Variants in TRAPPC4 observed in about 807,000 individuals in gnomAD.
TRAPPC4 encodes the protein trafficking protein particle complex subunit 4, also known as TRS23 homolog.
Under a neutral mutation model 23.5 loss-of-function variants are expected in TRAPPC4, and 30 were observed. The ratio of observed to expected loss-of-function variants is 1.28; its 90% CI spans 0.96 to 1.73. TRAPPC4 has a LOEUF of 1.73. Ranked by LOEUF, TRAPPC4 falls within the 40% of genes most tolerant of loss-of-function variation. TRAPPC4 has a pLI of 0.00. For missense variants in TRAPPC4, 252 were observed against 268.9 expected (o/e 0.94, Z 0.44); for synonymous variants, 129 against 105.3 (o/e 1.23, Z -1.38).
At position 119,018,787 on chromosome 11, in the gene TRAPPC4, A is replaced by AG. The variant is rs201678215; in HGVS notation, c.-9_-8insG. 1.7e-3 allele frequency: 2,766 copies of AG among 1,611,038 alleles called. 43 individuals carry two copies. The African/African-American group carries it at 0.032, about 18-fold the overall frequency. ...GGCTGAATACCAGTTTCCGAGCGGC[A>AG]AGGCAGCGATGGCGATTTTTAGTGT... is the stretch of plus-strand genomic sequence containing the variant. On this transcript the variant is annotated 5_prime_UTR_variant, in exon 1 of 5. Coordinates refer to ENST00000533632, the MANE Select transcript of TRAPPC4 (RefSeq NM_016146.6).
At chr11:119,022,840 G>A (rs1257487352) in intron 4 of TRAPPC4, among the ~76,000 whole-genome samples, 1 of 151,964 alleles carries the variant, frequency 6.6e-6, no homozygotes, top group Non-Finnish European at 1.5e-5. Flanking sequence ...GGAAAAGGTT[G>A]CAGTGAGCTG....
In TRAPPC4 at chr11:119,019,327, C is replaced by T. The variant is rs782391174; in HGVS notation, c.350+10C>T. 14 of 1,606,986 alleles carry T rather than the reference C, an allele frequency of 8.7e-6. No homozygotes were observed. Among genetic ancestry groups the T allele is most frequent in the East Asian group, 2.2e-5 (1 of 44,664 alleles). ...CCTCCATGTTCCACTCGTAAGTCCC[C>T]CGTCTCCTGAACGGCAGCGCTTGTA... On this transcript the variant is annotated intron_variant, in intron 2 of 4. Coordinates refer to ENST00000533632, the MANE Select transcript of TRAPPC4 (RefSeq NM_016146.6).
In TRAPPC4 at chr11:119,023,451, C is replaced by T. The variant is rs374606742; in HGVS notation, c.*52C>T. 88 of 1,538,708 alleles carry T rather than the reference C, an allele frequency of 5.7e-5. 1 individual carries two copies. The highest frequency in any genetic ancestry group is 4.4e-4 in the South Asian group (39 of 89,538). On this transcript the variant is annotated 3_prime_UTR_variant, in exon 5 of 5. Transcript: ENST00000533632. ...TCTGAGAGTTCCTGCAACAAGAATA[C>T]TGCTGTTGACACTCCAGTGGAAATC...
chr11:119,019,266 G>T lies in TRAPPC4; in HGVS notation c.299G>T (p.Arg100Leu), dbSNP rs145384040. 2.5e-6 allele frequency: 4 copies of T among 1,614,154 alleles called. No individual in the cohort carries two copies. In the African/African-American group the frequency reaches 5.3e-5, roughly 22 times the overall value. ...TACCCGGTGTCCATTCGATTTGGCC[G>T]GCCCCGCCTCACTTCTAATGAGAAG... ...ANYPVSIRFG[R>L]PRLTSNEKLM... is the part of the protein sequence containing the mutation. The change falls in exon 2 of 5, where the codon CGG (arginine) becomes CTG (leucine). Residue 100 changes from arginine (R) to leucine (L), a missense_variant. By Grantham distance (102) the Arg-to-Leu change is moderately radical. Transcript: ENST00000533632.
At position 119,021,805 on chromosome 11, in the gene TRAPPC4, A is replaced by AT. The variant is rs781832241; in HGVS notation, c.502dup (p.Ser168PhefsTer8). 8 of 1,613,984 alleles carry AT rather than the reference A, an allele frequency of 5.0e-6. No individual in the cohort carries two copies. Among genetic ancestry groups the AT allele is most frequent in the Non-Finnish European group, 5.9e-6 (7 of 1,180,012 alleles). On this transcript the variant is annotated frameshift_variant, in exon 4 of 5. Transcript: ENST00000533632. LOFTEE classifies it high-confidence loss of function. ...GCAGATCCTAGGCAAGCTGGAATAG[A>AT]TTCTCTTCTCCGAAAGATTTATGAG... is the stretch of plus-strand genomic sequence containing the variant.
At chr11:119,021,941 T>C in intron 4 of TRAPPC4, 55 bp downstream of exon 4, 1 of 1,599,858 alleles carries the variant, frequency 6.3e-7, no homozygotes. Flanking sequence ...CCTCCCTGTG[T>C]GCTCTGTCCA....
chr11:119,023,542 T>C lies in TRAPPC4; in HGVS notation c.*143T>C. 1 of 728,724 alleles carries C rather than the reference T, an allele frequency of 1.4e-6. No homozygotes were observed. The highest frequency in any genetic ancestry group is 2.3e-5 in the Admixed American group (1 of 44,116). The allele number at this position is 728,724 out of a possible 1,614,324, so 45.1% of individuals were successfully genotyped here. On this transcript the variant is annotated 3_prime_UTR_variant, in exon 5 of 5. Transcript: ENST00000533632. The stretch of plus-strand genomic sequence containing the variant: ...GACCCTGATGACTTGTACTGATTCC[T>C]GAGCCTTAACACTGTGCTCTTTCCT...
intron 3 of TRAPPC4, chr11:119,021,558 G>A: frequency 2.0e-6 from 1 of 508,122 alleles, no homozygotes; most frequent in Non-Finnish European, 3.4e-6. Context: ...AATCAGGTGG[G>A]TGACATAACA....
In TRAPPC4 at chr11:119,018,859, T is replaced by C; in HGVS notation, c.64T>C (p.Tyr22His). Residue 22 changes from tyrosine to histidine, a missense_variant, in exon 1 of 5, where the codon TAC becomes CAC. Tyr to His is a moderately conservative substitution (Grantham distance 83). Transcript: ENST00000533632. ...AGGLIYQLDS[Y>H]APRAEAEKTF... is the part of the protein sequence containing the mutation. ...CGGCTTGATTTACCAGTTGGACAGC[T>C]ACGCGCCACGGGCTGAGGCTGAGAA... 1 of 1,614,222 alleles carries C rather than the reference T, an allele frequency of 6.2e-7. No individual in the cohort carries two copies. The highest frequency in any genetic ancestry group is 1.1e-5 in the South Asian group (1 of 91,086).
At chr11:119,019,824 AC>A in intron 2 of TRAPPC4, 1 of 206,478 alleles carries the variant, frequency 4.8e-6, no homozygotes. Flanking sequence ...TAACTAAATG[AC>A]CTTTAAACTT....
intron 4 of TRAPPC4, chr11:119,023,095 G>C (rs1277683787): frequency 2.7e-6 from 1 of 375,572 alleles, no homozygotes; most frequent in African/African-American, 2.0e-5. Flanking sequence ...CTCCGGAGTA[G>C]CTGGGATTAC....
chr11:119,022,113 T>C (rs1943376476), intron 4 of TRAPPC4, among the ~76,000 whole-genome samples: 2 of 152,170 alleles, frequency 1.3e-5, no homozygotes, highest in African/African-American at 4.8e-5. Context: ...GCCTCCTGAG[T>C]AGCTGGGATT....
intron 3 of TRAPPC4, chr11:119,021,413 G>T: frequency 9.8e-6 from 2 of 203,688 alleles, no homozygotes; most frequent in Admixed American, 1.1e-4. Flanking sequence ...ATGACCTTTG[G>T]ATTGCCAGTG....
chr11:119,019,089 C>A, intron 1 of TRAPPC4, 54 bp from the exon 2 acceptor site: 1 of 1,598,612 alleles, frequency 6.3e-7, no homozygotes. Context: ...CCCTTGTCCC[C>A]TCGGCGGAAT....
At chr11:119,019,868 G>T in intron 2 of TRAPPC4, 1 of 292,516 alleles carries the variant, frequency 3.4e-6, no homozygotes, top group Non-Finnish European at 6.4e-6. Flanking sequence ...CAGATGTGCC[G>T]GCCTTTGCTT....
At chr11:119,019,905 A>G (rs1271778122) in intron 2 of TRAPPC4, 1 of 384,326 alleles carries the variant, frequency 2.6e-6, no homozygotes. Flanking sequence ...AGCGTGGCAC[A>G]TATTCCTAGA....
chr11:119,018,967 C>G lies in TRAPPC4; in HGVS notation c.172C>G (p.Arg58Gly). Residue 58 changes from arginine (R) to glycine (G), a missense_variant, in exon 1 of 5, where the codon CGA (arginine) becomes GGA (glycine). Physicochemically the swap from Arg to Gly is moderately radical, Grantham distance 125 (BLOSUM62 -2). Around this residue, in one of 3 missense-constraint regions of TRAPPC4, gnomAD observed 222 missense variants for 217.8 expected, o/e 1.02. Transcript: ENST00000533632. ...TGCTTTCGGCCAGCGGGACGGCATCCGAGGTGGGCTAGGCTCGGGCCCGTG... is the reference window on the plus strand; with the variant it reads ...TGCTTTCGGCCAGCGGGACGGCATCGGAGGTGGGCTAGGCTCGGGCCCGTG... ...LVAFGQRDGI[R>G]VGHAVLAING... is the part of the protein sequence containing the mutation. 3 of 1,611,630 alleles carry G rather than the reference C, an allele frequency of 1.9e-6. No individual in the cohort carries two copies. Among genetic ancestry groups the G allele is most frequent in the Non-Finnish European group, 2.5e-6 (3 of 1,179,740 alleles).
rs1943446998 is a variant in TRAPPC4, at chr11:119,023,308, G to A, written c.582-13G>A. The A allele has an allele frequency of 6.2e-7, 1 of 1,613,686 alleles. No individual in the cohort carries two copies. Among genetic ancestry groups the A allele is most frequent in the East Asian group, 2.2e-5 (1 of 44,880 alleles). ...GCCTCACACTTTTTTTCCTCACCCT[G>A]GGCCCGGCTTAGGTGTGAGCTCTTT... is the stretch of plus-strand genomic sequence containing the variant. On this transcript the variant is annotated splice_polypyrimidine_tract_variant and intron_variant, in intron 4 of 4. Transcript: ENST00000533632.
chr11:119,022,576 A>G (rs999215294), intron 4 of TRAPPC4, among the ~76,000 whole-genome samples: 1 of 151,504 alleles, frequency 6.6e-6, no homozygotes, highest in African/African-American at 2.4e-5. Context: ...CAACAGAACA[A>G]GACCGTGTCT....
Sources: gnomAD v4.1 joint callset for allele counts (sites outside exome capture counted in the v4.1 genomes callset) on GRCh38, gnomAD v4.1.1 for gene constraint, gnomAD v4.1.1 regional missense constraint, MANE v1.5 for transcripts, NCBI Gene and HGNC (gene_info 2026-07-23, HGNC 2026-07-21) for gene names.